The following CACNA2D4 variants were observed in gnomAD, a reference collection of about 807,000 sequenced individuals.
CACNA2D4 encodes the protein calcium voltage-gated channel auxiliary subunit alpha2delta 4.
Under a neutral mutation model 163.8 loss-of-function variants are expected in CACNA2D4, and 157 were observed. The ratio of observed to expected loss-of-function variants is 0.96; its 90% confidence interval spans 0.84 to 1.09. CACNA2D4 has a LOEUF of 1.09. Among genes scored for constraint, CACNA2D4 ranks in the 50% least tolerant of loss-of-function variants. The pLI, the probability that CACNA2D4 is intolerant of heterozygous loss-of-function variation, is 0.00. For synonymous variants in CACNA2D4, 598 were observed against 586.9 expected, an observed-to-expected ratio of 1.02 and a Z score of -0.27; for missense variants, 1,410 against 1,479.9, an observed-to-expected ratio of 0.95 and a Z score of 0.78.
In CACNA2D4 at chr12:1,907,917, A is replaced by G. The variant is rs1166258594; in HGVS notation, c.607T>C (p.Ser203Pro). The change falls in exon 5 of 38, where the codon TCC becomes CCC. Residue 203 changes from serine (S) to proline (P), a missense_variant. Coordinates refer to ENST00000382722, the MANE Select transcript of CACNA2D4 (RefSeq NM_172364.5). The stretch of plus-strand genomic sequence containing the variant: ...GTGGGCAGCTGCACGCTGCTGATGG[A>G]GGTGTTCACCGGCAGGTTGCTGAAG... ...AHFSNLPVNT[S>P]ISSVQLPTNV... is the part of the protein sequence containing the mutation. 6.2e-7 allele frequency: 1 copy of G among 1,613,920 alleles called. No individual in the cohort carries two copies. The highest frequency in any genetic ancestry group is 1.1e-5 in the South Asian group (1 of 91,076).
At chr12:1,808,372 A>G (rs1401752004) in intron 29 of CACNA2D4, among the ~76,000 whole-genome samples, 1 of 152,226 alleles carries the variant, frequency 6.6e-6, no homozygotes, top group Non-Finnish European at 1.5e-5. Flanking sequence ...AAAAAAAGTC[A>G]AAAGATTGAT....
chr12:1,835,631 G>A (rs1051829386), intron 26 of CACNA2D4: 3 of 152,600 alleles, frequency 2.0e-5, no homozygotes, highest in Admixed American at 1.3e-4. Context: ...GGCCAAAGTG[G>A]TGCCCCTGGA....
At position 1,792,830 on chromosome 12, in the gene CACNA2D4, C is replaced by A. The variant is rs1325497702; in HGVS notation, c.*825G>T. Reference sequence around the variant, plus strand: ...GCCAGAAAAGAGCACAACCACTGCTCTTTTTCACTATTTTACAGCTATTTT... The same window carrying A: ...GCCAGAAAAGAGCACAACCACTGCTATTTTTCACTATTTTACAGCTATTTT... On this transcript the variant is annotated 3_prime_UTR_variant, in exon 38 of 38. Coordinates refer to ENST00000382722, the MANE Select transcript of CACNA2D4 (RefSeq NM_172364.5). 1.3e-5 allele frequency: 2 copies of A among 152,184 alleles called. No homozygotes were observed. Among genetic ancestry groups the A allele is most frequent in the Non-Finnish European group, 2.9e-5 (2 of 68,034 alleles). The allele number at this position is 152,184 out of a possible 1,614,324, so 9.4% of individuals were successfully genotyped here.
At chr12:1,860,513 A>C (rs1381347326) in intron 18 of CACNA2D4, among the ~76,000 whole-genome samples, 1 of 152,226 alleles carries the variant, frequency 6.6e-6, no homozygotes, top group East Asian at 1.9e-4. Flanking sequence ...AAGGAACTGA[A>C]TTTTCAGATT....
intron 1 of CACNA2D4, among the ~76,000 whole-genome samples, chr12:1,916,494 T>C (rs1308976716): frequency 6.6e-6 from 1 of 152,122 alleles, no homozygotes; most frequent in South Asian, 2.1e-4. Flanking sequence ...GCAGGAGGGC[T>C]CTCTCAAGGA....
At chr12:1,882,765 G>A (rs1207083562) in intron 13 of CACNA2D4, 102 bp downstream of exon 13, 1 of 1,254,100 alleles carries the variant, frequency 8.0e-7, no homozygotes, top group Non-Finnish European at 1.1e-6. Context: ...CTAAGGAGGT[G>A]CTAGGCCCAC....
intron 18 of CACNA2D4, among the ~76,000 whole-genome samples, chr12:1,860,932 G>A (rs1025396507): frequency 2.0e-5 from 3 of 152,206 alleles, no homozygotes; most frequent in African/African-American, 4.8e-5. Context: ...GTGTGCTCTT[G>A]AGCAAGTTAC....
intron 26 of CACNA2D4, among the ~76,000 whole-genome samples, chr12:1,816,172 A>T (rs868697071): frequency 6.6e-6 from 1 of 152,284 alleles, no homozygotes. Flanking sequence ...CCTTCCTCCC[A>T]TCATCTCCTG....
intron 19 of CACNA2D4, among the ~76,000 whole-genome samples, chr12:1,859,170 G>A (rs867415905): frequency 2.0e-5 from 3 of 152,128 alleles, no homozygotes; most frequent in Admixed American, 6.5e-5. Context: ...GCAACACAGC[G>A]AGACCCCAGC....
intron 9 of CACNA2D4, 60 bp from the exon 10 acceptor site, chr12:1,885,136 T>G (rs1445578514): frequency 1.4e-6 from 2 of 1,408,632 alleles, no homozygotes; most frequent in Non-Finnish European, 2.0e-6. Context: ...TGGAGCTTCA[T>G]GTTTGGTGTT....
chr12:1,831,551 C>T, intron 26 of CACNA2D4: 1 of 1,581,748 alleles, frequency 6.3e-7, no homozygotes, highest in South Asian at 1.1e-5. Context: ...CCTGCTGGGG[C>T]CCGAGGGATT....
chr12:1,825,668 G>A (rs1864283765), intron 26 of CACNA2D4, among the ~76,000 whole-genome samples: 1 of 152,230 alleles, frequency 6.6e-6, no homozygotes. Context: ...CTCTGTGGGT[G>A]TGTGTTTGCA....
rs770622451 is a variant in CACNA2D4 at position 1,858,591 on chromosome 12, G to A, written c.1994C>T (p.Thr665Met). 1.5e-5 allele frequency: 25 copies of A among 1,613,282 alleles called. 1 individual carries two copies. The highest frequency in any genetic ancestry group is 1.1e-4 in the South Asian group (10 of 91,006). The change falls in exon 20 of 38, where the codon ACG (threonine) becomes ATG (methionine). Residue 665 changes from threonine to methionine, a missense_variant. Transcript: ENST00000382722. ...TACCGACCCACCTTCTTCCACAGAC[G>A]TGTTCCCCAGAAGGATGTATTCTCC... is the stretch of plus-strand genomic sequence containing the variant. Reference protein sequence around the residue: ...GHGEYILLGNTSVEEGLHDLL... With the variant: ...GHGEYILLGNMSVEEGLHDLL...
At chr12:1,855,323 T>C (rs1023554032) in intron 22 of CACNA2D4, among the ~76,000 whole-genome samples, 22 of 152,292 alleles carry the variant, frequency 1.4e-4, no homozygotes, top group African/African-American at 5.3e-4. Flanking sequence ...TGGGTTGGCA[T>C]GGGAGGCAGT....
At position 1,832,291 on chromosome 12, in the gene CACNA2D4, G is replaced by T. The variant is rs367610788; in HGVS notation, c.2551+8448C>A. On this transcript the variant is annotated intron_variant, in intron 26 of 37. Coordinates refer to ENST00000382722, the MANE Select transcript of CACNA2D4 (RefSeq NM_172364.5). Reference sequence around the variant, plus strand: ...TTACCCTTTCGCTGTGGCAGGGCCTGGTCTGTAAAGTGGGAAGGAAACAAT... The same window carrying T: ...TTACCCTTTCGCTGTGGCAGGGCCTTGTCTGTAAAGTGGGAAGGAAACAAT... Among the ~76,000 whole-genome samples, 9 of 152,260 alleles carry T rather than the reference G, an allele frequency of 5.9e-5. 1 individual carries two copies. Among genetic ancestry groups the T allele is most frequent in the Admixed American group, 3.9e-4 (6 of 15,290 alleles).
chr12:1,915,484 C>T (rs1565744932), intron 1 of CACNA2D4, among the ~76,000 whole-genome samples: 1 of 152,194 alleles, frequency 6.6e-6, no homozygotes, highest in African/African-American at 2.4e-5. Context: ...CTGGCCACAG[C>T]TGTGGCCTCT....
At chr12:1,819,156 G>A (rs1195068346) in intron 26 of CACNA2D4, among the ~76,000 whole-genome samples, 3 of 152,176 alleles carry the variant, frequency 2.0e-5, no homozygotes, top group Admixed American at 6.5e-5. Context: ...GGCGTTTAAG[G>A]AAGGGGGAAG....
rs775644958 is a variant in CACNA2D4, at chr12:1,834,524, C to T, written c.2551+6215G>A. On this transcript the variant is annotated intron_variant, in intron 26 of 37. Coordinates refer to ENST00000382722, the MANE Select transcript of CACNA2D4 (RefSeq NM_172364.5). This position sits in a 1 kb window ranked among gnomAD's most constrained non-coding sequence, Gnocchi z 7.6. Reference sequence around the variant, plus strand: ...GAGGCACCGGCCGGCGAGCGTGAGGCGAGCCATGGGCACGGTGATCATTGC... The same window carrying T: ...GAGGCACCGGCCGGCGAGCGTGAGGTGAGCCATGGGCACGGTGATCATTGC... 6.2e-6 allele frequency: 10 copies of T among 1,605,232 alleles called. No individual in the cohort carries two copies. Among genetic ancestry groups the T allele is most frequent in the Non-Finnish European group, 8.5e-6 (10 of 1,179,882 alleles).
At chr12:1,891,723 A>G (rs1190180393) in intron 6 of CACNA2D4, among the ~76,000 whole-genome samples, 1 of 152,110 alleles carries the variant, frequency 6.6e-6, no homozygotes, top group African/African-American at 2.4e-5. Flanking sequence ...TGCTAAGAAG[A>G]TAGATATCAT....
Sources: gnomAD v4.1 joint callset for allele counts (sites outside exome capture counted in the v4.1 genomes callset) on GRCh38, gnomAD v4.1.1 for gene constraint, Gnocchi (gnomAD v3.1) non-coding constraint, MANE v1.5 for transcripts, NCBI Gene and HGNC (gene_info 2026-07-23, HGNC 2026-07-21) for gene names.